The following CAPZB variants were observed in gnomAD, a reference collection of about 807,000 sequenced individuals.
CAPZB encodes the protein capping actin protein of muscle Z-line subunit beta.
A neutral mutation model predicts 38.1 loss-of-function variants in CAPZB; 2 were observed. That is an observed-to-expected ratio of 0.05 (90% confidence interval 0.02 to 0.17). The LOEUF (loss-of-function observed/expected upper bound fraction) is 0.17, where lower values mean the gene tolerates loss of function less well. Among genes scored for constraint, CAPZB ranks in the 10% least tolerant of loss-of-function variants. The probability of loss-of-function intolerance (pLI) is 1.00; values close to 1 mark genes in which losing one functional copy is unlikely to be tolerated. For missense variants in CAPZB, 161 were observed against 334.2 expected, an observed-to-expected ratio of 0.48 and a Z score of 4.04; for synonymous variants, 107 against 127.4, an observed-to-expected ratio of 0.84 and a Z score of 1.08.
chr1:19,422,289 C>T (rs1295842118), intron 1 of CAPZB, among the ~76,000 whole-genome samples: 1 of 152,056 alleles, frequency 6.6e-6, no homozygotes, highest in East Asian at 1.9e-4. Flanking sequence ...CATCCCAAAA[C>T]GCGATACACA....
intron 2 of CAPZB, among the ~76,000 whole-genome samples, chr1:19,410,857 A>ACACCTCTTCCCCGCC (rs1553280080): frequency 6.6e-6 from 1 of 152,154 alleles, no homozygotes; most frequent in Non-Finnish European, 1.5e-5. Flanking sequence ...GGTGGGCTTG[A>ACACCTCTTCCCCGCC]CACCTCTTCC....
At chr1:19,345,161 A>G in intron 7 of CAPZB, 26 bp downstream of exon 7, 7 of 1,600,628 alleles carry the variant, frequency 4.4e-6, no homozygotes, top group Non-Finnish European at 6.0e-6. Flanking sequence ...TCACTGCAGG[A>G]GCCAGCCAGA....
At chr1:19,476,377 T>C (rs2094607040) in intron 1 of CAPZB, among the ~76,000 whole-genome samples, 1 of 152,036 alleles carries the variant, frequency 6.6e-6, no homozygotes, top group Non-Finnish European at 1.5e-5. Flanking sequence ...GATGGAACCA[T>C]GCACTCCAGC....
intron 2 of CAPZB, among the ~76,000 whole-genome samples, chr1:19,399,681 G>A (rs1270768376): frequency 6.6e-6 from 1 of 152,152 alleles, no homozygotes; most frequent in Non-Finnish European, 1.5e-5. Flanking sequence ...TCAAGAGTGG[G>A]AGAGGAAGTC....
At chr1:19,398,387 G>A (rs75845337) in intron 2 of CAPZB, among the ~76,000 whole-genome samples, 1,863 of 152,278 alleles carry the variant, frequency 0.012, 36 homozygotes, top group African/African-American at 0.042. Flanking sequence ...GAGGGCGGAG[G>A]TCTGGCTTCC....
intron 1 of CAPZB, among the ~76,000 whole-genome samples, chr1:19,443,447 A>G (rs957756694): frequency 3.9e-5 from 6 of 152,144 alleles, no homozygotes; most frequent in African/African-American, 1.2e-4. Flanking sequence ...AAAATAAGAC[A>G]CTGTATAATA....
At chr1:19,407,553 G>A (rs557673112) in intron 2 of CAPZB, among the ~76,000 whole-genome samples, 1 of 152,270 alleles carries the variant, frequency 6.6e-6, no homozygotes, top group South Asian at 2.1e-4. Flanking sequence ...AAATGGCAAG[G>A]AAGCTGGGAA....
intron 1 of CAPZB, among the ~76,000 whole-genome samples, chr1:19,451,528 G>T (rs763336442): frequency 1.5e-4 from 23 of 152,090 alleles, no homozygotes; most frequent in Non-Finnish European, 1.8e-4. Context: ...CTACAGGCAC[G>T]TGTCATCTAG....
At chr1:19,417,809 C>A (rs1336174248) in intron 2 of CAPZB, among the ~76,000 whole-genome samples, 1 of 152,128 alleles carries the variant, frequency 6.6e-6, no homozygotes, top group Non-Finnish European at 1.5e-5. Context: ...AAAACTGGAC[C>A]CGGCCAATCT....
chr1:19,467,147 C>T lies in CAPZB; in HGVS notation c.3+18289G>A, dbSNP rs192014499. On this transcript the variant is annotated intron_variant, in intron 1 of 8. Coordinates refer to ENST00000264202, the MANE Select transcript of CAPZB (RefSeq NM_004930.5). ...AAGTGATCCTCCCACCTTGGCCTCC[C>T]GAAGTGCTGAGATCCACCATGCCTG... Among the ~76,000 whole-genome samples the T allele has an allele frequency of 4.3e-3, 656 of 152,204 alleles. 2 individuals carry two copies. Among genetic ancestry groups the T allele is most frequent in the African/African-American group, 0.014 (578 of 41,496 alleles).
chr1:19,440,760 A>T (rs1044956113), intron 1 of CAPZB, among the ~76,000 whole-genome samples: 5 of 152,230 alleles, frequency 3.3e-5, no homozygotes, highest in African/African-American at 4.8e-5. Flanking sequence ...GCCATGTTTT[A>T]AAAAAGTTAT....
At chr1:19,452,853 G>C (rs1225429696) in intron 1 of CAPZB, among the ~76,000 whole-genome samples, 1 of 144,488 alleles carries the variant, frequency 6.9e-6, no homozygotes, top group Admixed American at 7.2e-5. Context: ...GCCCAGGCTA[G>C]AATGCAGTGG....
rs2094038739 is a variant in CAPZB at position 19,359,208 on chromosome 1, C to CT, written c.330-1646dup. Among the ~76,000 whole-genome samples, 6 of 94,528 alleles carry CT rather than the reference C, an allele frequency of 6.3e-5. No homozygotes were observed. The South Asian group carries it at 1.6e-3, about 25-fold the overall frequency. The allele number at this position is 94,528 out of a possible 152,430, so 62.0% of individuals were successfully genotyped here. A position where few individuals can be genotyped will look rare whatever the true frequency, so the allele number is the denominator to read the frequency against. On this transcript the variant is annotated intron_variant, in intron 4 of 8. Coordinates refer to ENST00000264202, the MANE Select transcript of CAPZB (RefSeq NM_004930.5). ...GATGGGTATACAAGAATTCTCTGTA[C>CT]TCTTTTTTTTTTTTTTTTTTTTTTG...
intron 4 of CAPZB, among the ~76,000 whole-genome samples, chr1:19,373,369 C>T (rs1208981850): frequency 2.6e-5 from 4 of 152,230 alleles, no homozygotes; most frequent in African/African-American, 7.2e-5. Flanking sequence ...CTGGTCAACC[C>T]GTCCCCTGGC....
At chr1:19,347,536 C>T (rs536567327) in intron 6 of CAPZB, among the ~76,000 whole-genome samples, 1 of 152,294 alleles carries the variant, frequency 6.6e-6, no homozygotes, top group African/African-American at 2.4e-5. Context: ...GCTGGCAACA[C>T]CGACCCACCA....
At chr1:19,461,375 T>C (rs1180751968) in intron 1 of CAPZB, among the ~76,000 whole-genome samples, 1 of 152,150 alleles carries the variant, frequency 6.6e-6, no homozygotes, top group Non-Finnish European at 1.5e-5. Flanking sequence ...TGCCTCCTTC[T>C]CTCTCCCCCG....
intron 2 of CAPZB, among the ~76,000 whole-genome samples, chr1:19,399,873 C>T (rs1197530917): frequency 6.6e-6 from 1 of 152,164 alleles, no homozygotes; most frequent in East Asian, 1.9e-4. Context: ...AAGTTTGTGT[C>T]ATCCCTCCTA....
At chr1:19,425,875 C>A (rs566886013) in intron 1 of CAPZB, among the ~76,000 whole-genome samples, 3 of 152,204 alleles carry the variant, frequency 2.0e-5, no homozygotes, top group African/African-American at 4.8e-5. Context: ...TACCTACACT[C>A]CAAGTTTGGT....
At chr1:19,372,273 A>G (rs1466600094) in intron 4 of CAPZB, among the ~76,000 whole-genome samples, 1 of 152,228 alleles carries the variant, frequency 6.6e-6, no homozygotes, top group Non-Finnish European at 1.5e-5. Context: ...ATAAATTGCA[A>G]CCGCATGTTT....
Sources: allele counts gnomAD v4.1 joint callset (sites outside exome capture counted in the v4.1 genomes callset), GRCh38; gene constraint gnomAD v4.1.1; transcripts MANE v1.5; gene names NCBI Gene and HGNC (gene_info 2026-07-23, HGNC 2026-07-21).